The following GNAQ variants were observed in gnomAD, a reference collection of about 807,000 sequenced individuals.
GNAQ encodes G protein subunit alpha q.
In GNAQ, 8 loss-of-function variants were observed where a neutral mutation model predicts 43.9. The observed-to-expected ratio is 0.18, with a 90% CI of 0.11 to 0.33. GNAQ has a LOEUF of 0.33. Ranked by LOEUF, GNAQ falls within the 10% of genes least tolerant of loss-of-function variation. The pLI, the probability that GNAQ is intolerant of heterozygous loss-of-function variation, is 1.00. For missense variants in GNAQ, 158 were observed against 450.8 expected (o/e 0.35, Z 5.88); for synonymous variants, 155 against 170.7 (o/e 0.91, Z 0.71).
At chr9:77,942,892 T>A (rs183088176) in intron 1 of GNAQ, among the ~76,000 whole-genome samples, 135 of 152,356 alleles carry the variant, frequency 8.9e-4, no homozygotes, top group African/African-American at 3.2e-3. Flanking sequence ...AATTAAATTT[T>A]AAGCAATCTT....
chr9:77,928,633 C>T (rs561261019), intron 1 of GNAQ, among the ~76,000 whole-genome samples: 1 of 152,218 alleles, frequency 6.6e-6, no homozygotes, highest in African/African-American at 2.4e-5. Flanking sequence ...TCTTGGAGTG[C>T]CCGTAGTAAA....
intron 1 of GNAQ, among the ~76,000 whole-genome samples, chr9:77,976,269 T>A (rs1219708930): frequency 6.6e-6 from 1 of 152,164 alleles, no homozygotes; most frequent in Non-Finnish European, 1.5e-5. Flanking sequence ...TTTTCAACAA[T>A]CAAGGCTGAA....
chr9:77,869,382 A>T (rs1827999793), intron 2 of GNAQ, among the ~76,000 whole-genome samples: 1 of 152,340 alleles, frequency 6.6e-6, no homozygotes, highest in East Asian at 1.9e-4. Context: ...TGATGAAATT[A>T]ATAAGTCACG....
At chr9:77,950,895 T>TA (rs1045319572) in intron 1 of GNAQ, among the ~76,000 whole-genome samples, 22 of 152,120 alleles carry the variant, frequency 1.4e-4, no homozygotes, top group African/African-American at 4.6e-4. Context: ...GCGGAGCTGC[T>TA]AAAAATACTA....
chr9:77,877,694 T>C (rs143736673), intron 2 of GNAQ, among the ~76,000 whole-genome samples: 10 of 152,340 alleles, frequency 6.6e-5, no homozygotes, highest in African/African-American at 2.4e-4. Flanking sequence ...AAGAATTTGA[T>C]TGAATAGCAT....
chr9:77,922,169 G>C lies in GNAQ; in HGVS notation c.313C>G (p.His105Asp), dbSNP rs1438658973. ...TGAAGAGTCGCACCTACCTTATTGT[G>C]CTCATACTTGTATGGGATCTTGAGT... ...DTLKIPYKYE[H>D]NKAHAQLVRE... Residue 105 changes from histidine (H) to aspartate (D), a missense_variant, in exon 2 of 7, where the codon CAC becomes GAC. His to Asp is a moderately conservative substitution (Grantham distance 81). Around this residue, in one of 9 missense-constraint regions of GNAQ, gnomAD observed 57 missense variants for 78.2 expected, o/e 0.73. Transcript: ENST00000286548. The C allele has an allele frequency of 6.2e-7, 1 of 1,610,248 alleles. No homozygotes were observed. The highest frequency in any genetic ancestry group is 1.3e-5 in the African/African-American group (1 of 74,828).
At position 77,719,978 on chromosome 9, in the gene GNAQ, T is replaced by C; in HGVS notation, c.*1345A>G. 1 of 232,558 alleles carries C rather than the reference T, an allele frequency of 4.3e-6. No individual in the cohort carries two copies. Among genetic ancestry groups the C allele is most frequent in the Non-Finnish European group, 8.5e-6 (1 of 117,650 alleles). The allele number at this position is 232,558 out of a possible 1,614,324, so 14.4% of individuals were successfully genotyped here. ...GTGTCGGAATAATACTACCAACCAA[T>C]GTTCCTGGCAGACTTCATTGAACTT... On this transcript the variant is annotated 3_prime_UTR_variant, in exon 7 of 7. Coordinates refer to ENST00000286548, the MANE Select transcript of GNAQ (RefSeq NM_002072.5).
chr9:77,755,226 C>T (rs1344180551), intron 5 of GNAQ, among the ~76,000 whole-genome samples: 1 of 151,816 alleles, frequency 6.6e-6, no homozygotes, highest in Admixed American at 6.6e-5. Context: ...CTATTAGAGG[C>T]TGGAAAGGGT....
In GNAQ at chr9:77,719,005, G is replaced by A. The variant is rs1587881018; in HGVS notation, c.*2318C>T. On this transcript the variant is annotated 3_prime_UTR_variant, in exon 7 of 7. Coordinates refer to ENST00000286548, the MANE Select transcript of GNAQ (RefSeq NM_002072.5). ...GTATAAAAGCTCCGACTGATTTTAT[G>A]TATTTTGCTATGAAATTACCTTTGG... The A allele has an allele frequency of 4.3e-6, 1 of 231,752 alleles. No homozygotes were observed. Among genetic ancestry groups the A allele is most frequent in the South Asian group, 1.8e-4 (1 of 5,512 alleles). The allele number at this position is 231,752 out of a possible 1,614,324, so 14.4% of individuals were successfully genotyped here.
At chr9:77,763,138 A>AAAC (rs1183363984) in intron 5 of GNAQ, among the ~76,000 whole-genome samples, 18 of 31,964 alleles carry the variant, frequency 5.6e-4, no homozygotes, top group Admixed American at 1.1e-3. Context: ...ACAAACAAAC[A>AAAC]AACAAAAAAA....
At chr9:77,779,891 G>A (rs1327140191) in intron 5 of GNAQ, among the ~76,000 whole-genome samples, 10 of 151,724 alleles carry the variant, frequency 6.6e-5, no homozygotes. Context: ...AATCTGAATA[G>A]GCCTATATTC....
intron 1 of GNAQ, among the ~76,000 whole-genome samples, chr9:77,963,406 T>G (rs1006957779): frequency 6.6e-6 from 1 of 152,148 alleles, no homozygotes; most frequent in African/African-American, 2.4e-5. Flanking sequence ...TTTCACTCAG[T>G]GGGTGCCCAG....
chr9:77,746,993 G>A (rs752500803), intron 5 of GNAQ, among the ~76,000 whole-genome samples: 4 of 152,012 alleles, frequency 2.6e-5, no homozygotes, highest in Non-Finnish European at 5.9e-5. Flanking sequence ...AATACAAACT[G>A]ATTGATTTTT....
chr9:77,998,740 T>C (rs973090848), intron 1 of GNAQ, among the ~76,000 whole-genome samples: 1 of 152,192 alleles, frequency 6.6e-6, no homozygotes, highest in Non-Finnish European at 1.5e-5. Flanking sequence ...TTTTATACTA[T>C]GTGAAACCAA....
At chr9:77,884,373 C>A (rs1238366534) in intron 2 of GNAQ, among the ~76,000 whole-genome samples, 1 of 152,178 alleles carries the variant, frequency 6.6e-6, no homozygotes, top group Non-Finnish European at 1.5e-5. Context: ...CTTCTCTGTT[C>A]TGCTATATTT....
At position 77,718,652 on chromosome 9, in the gene GNAQ, A is replaced by C. The variant is rs1825260553; in HGVS notation, c.*2671T>G. The C allele has an allele frequency of 4.3e-6, 1 of 232,336 alleles. No individual in the cohort carries two copies. The highest frequency in any genetic ancestry group is 5.6e-5 in the Admixed American group (1 of 17,728). 14.4% of individuals were successfully genotyped at this position (232,336 alleles called of 1,614,324 possible). On this transcript the variant is annotated 3_prime_UTR_variant, in exon 7 of 7. Coordinates refer to ENST00000286548, the MANE Select transcript of GNAQ (RefSeq NM_002072.5). Reference sequence around the variant, plus strand: ...ATTAAATAGAATATCTTGATTCCCTAAAACTGTAACACTTATGATCTTGTG... The same window carrying C: ...ATTAAATAGAATATCTTGATTCCCTCAAACTGTAACACTTATGATCTTGTG...
At chr9:78,002,375 C>T (rs571148748) in intron 1 of GNAQ, among the ~76,000 whole-genome samples, 5 of 152,274 alleles carry the variant, frequency 3.3e-5, no homozygotes, top group Non-Finnish European at 5.9e-5. Flanking sequence ...CACCCCCACA[C>T]AGAGACACAC....
In GNAQ at chr9:77,799,352, G is replaced by A. The variant is rs755518001; in HGVS notation, c.477-1704C>T. On this transcript the variant is annotated intron_variant, in intron 3 of 6. Transcript: ENST00000286548. ...CATAACAAGGAATGCCTTGTGCATA[G>A]CATGTTATAATTGAACAATAACAAA... is the stretch of plus-strand genomic sequence containing the variant. Among the ~76,000 whole-genome samples, 171 of 152,184 alleles carry A rather than the reference G, an allele frequency of 1.1e-3. 1 individual carries two copies. The highest frequency in any genetic ancestry group is 7.1e-4 in the Non-Finnish European group (48 of 68,030).
At chr9:77,975,715 T>G (rs890950132) in intron 1 of GNAQ, among the ~76,000 whole-genome samples, 1 of 152,074 alleles carries the variant, frequency 6.6e-6, no homozygotes, top group African/African-American at 2.4e-5. Flanking sequence ...AATTTCTGTA[T>G]TTTTAGTAGA....
Sources: allele counts gnomAD v4.1 joint callset (sites outside exome capture counted in the v4.1 genomes callset), GRCh38; gene constraint gnomAD v4.1.1; regional missense constraint gnomAD v4.1.1; transcripts MANE v1.5; gene names NCBI Gene and HGNC (gene_info 2026-07-23, HGNC 2026-07-21).